The following THSD7A variants were observed in gnomAD, a reference collection of about 807,000 sequenced individuals.
THSD7A encodes the protein thrombospondin type 1 domain containing 7A.
In THSD7A, 96 loss-of-function variants were observed where a neutral mutation model predicts 231.3. The ratio of observed to expected loss-of-function variants is 0.41; its 90% confidence interval spans 0.35 to 0.49. The LOEUF is 0.49. Ranked by LOEUF, THSD7A falls within the 20% of genes least tolerant of loss-of-function variation. The pLI, the probability that THSD7A is intolerant of heterozygous loss-of-function variation, is 0.05. For missense variants in THSD7A, 2,290 were observed against 2,070.2 expected (o/e 1.11, Z -2.06); for synonymous variants, 940 against 743.3 (o/e 1.26, Z -4.30).
intron 6 of THSD7A, among the ~76,000 whole-genome samples, chr7:11,526,698 C>T (rs1788489298): frequency 6.6e-6 from 1 of 152,164 alleles, no homozygotes; most frequent in Non-Finnish European, 1.5e-5. Context: ...GCAGTTCCCC[C>T]TTTCCCCTCT....
chr7:11,450,001 T>C (rs1785093958), intron 11 of THSD7A, among the ~76,000 whole-genome samples: 1 of 152,080 alleles, frequency 6.6e-6, no homozygotes, highest in African/African-American at 2.4e-5. Flanking sequence ...AAATTTGGGT[T>C]ATTTGAAATG....
chr7:11,685,576 T>C (rs531285449), intron 1 of THSD7A, among the ~76,000 whole-genome samples: 22 of 151,980 alleles, frequency 1.4e-4, no homozygotes, highest in Non-Finnish European at 2.4e-4. Context: ...AAATGGACAC[T>C]TCCTAAAAGA....
intron 10 of THSD7A, among the ~76,000 whole-genome samples, chr7:11,461,130 A>T (rs1785491079): frequency 6.6e-6 from 1 of 152,180 alleles, no homozygotes; most frequent in African/African-American, 2.4e-5. Flanking sequence ...AACTGTATTC[A>T]AGTCATGAGT....
intron 1 of THSD7A, among the ~76,000 whole-genome samples, chr7:11,688,686 T>C (rs1780139805): frequency 6.6e-6 from 1 of 151,690 alleles, no homozygotes; most frequent in Non-Finnish European, 1.5e-5. Flanking sequence ...GAGAAGGAAG[T>C]GTGTGTACAG....
chr7:11,735,109 C>A (rs1781868578), intron 1 of THSD7A, among the ~76,000 whole-genome samples: 1 of 151,802 alleles, frequency 6.6e-6, no homozygotes, highest in Non-Finnish European at 1.5e-5. Flanking sequence ...CATATAGTTC[C>A]AGCTCAAATT....
At chr7:11,468,782 C>A (rs993180299) in intron 9 of THSD7A, among the ~76,000 whole-genome samples, 9 of 151,594 alleles carry the variant, frequency 5.9e-5, no homozygotes, top group Non-Finnish European at 1.3e-4. Flanking sequence ...TGCAATGGGC[C>A]GAAATTGAGC....
chr7:11,379,436 G>C, intron 25 of THSD7A, 156 bp from the exon 26 acceptor site: 1 of 881,028 alleles, frequency 1.1e-6, no homozygotes. Context: ...CATACTTTTG[G>C]CATTATATGA....
chr7:11,568,965 C>G (rs1790500481), intron 4 of THSD7A, among the ~76,000 whole-genome samples: 1 of 143,034 alleles, frequency 7.0e-6, no homozygotes, highest in Non-Finnish European at 1.5e-5. Context: ...ATCAAGAAAG[C>G]AATCCCGTTT....
chr7:11,627,408 A>C (rs1781508778), intron 2 of THSD7A, among the ~76,000 whole-genome samples: 1 of 151,988 alleles, frequency 6.6e-6, no homozygotes, highest in Admixed American at 6.6e-5. Context: ...ATACATACAA[A>C]ATGTATACAT....
At chr7:11,558,138 A>G (rs1789926916) in intron 4 of THSD7A, among the ~76,000 whole-genome samples, 1 of 152,146 alleles carries the variant, frequency 6.6e-6, no homozygotes, top group South Asian at 2.1e-4. Flanking sequence ...TGTGGGAGGC[A>G]AAAAGAAAAC....
chr7:11,593,268 A>G lies in THSD7A; in HGVS notation c.1257T>C (p.Val419=), dbSNP rs1428166021. ...KEPCLSQGDG[V]VPCATYGWRT... ...TATTTACTCACGTGGCACAGGGGACAACTCCATCTCCTTGAGACAAACAGG... is the reference window on the plus strand; with the variant it reads ...TATTTACTCACGTGGCACAGGGGACGACTCCATCTCCTTGAGACAAACAGG... Residue 419 remains valine, a synonymous_variant, in exon 3 of 28, where the codon GTT becomes GTC. Transcript: ENST00000423059. 1 of 1,614,002 alleles carries G rather than the reference A, an allele frequency of 6.2e-7. No individual in the cohort carries two copies. Among genetic ancestry groups the G allele is most frequent in the Admixed American group, 1.7e-5 (1 of 60,018 alleles).
rs775118115 is a variant in THSD7A at position 11,481,928 on chromosome 7, G to A, written c.1877C>T (p.Ala626Val). 1 of 1,613,576 alleles carries A rather than the reference G, an allele frequency of 6.2e-7. No homozygotes were observed. The highest frequency in any genetic ancestry group is 2.2e-5 in the East Asian group (1 of 44,854). The change falls in exon 7 of 28, where the codon GCC becomes GTC. Residue 626 changes from alanine (A) to valine (V), a missense_variant. Transcript: ENST00000423059. ...GTCTTTCGGGCATGGGGCATCACAG[G>A]CCACAGGGATGGGGAAGATGGCATC... ...CRDAIFPIPV[A>V]CDAPCPKDCV...
chr7:11,815,109 T>A (rs1784643524), intron 1 of THSD7A, among the ~76,000 whole-genome samples: 4 of 151,588 alleles, frequency 2.6e-5, no homozygotes, highest in African/African-American at 9.7e-5. Context: ...CTTTTAAAAA[T>A]CTTTTCTACC....
chr7:11,712,504 G>T (rs181036449), intron 1 of THSD7A, among the ~76,000 whole-genome samples: 19 of 151,012 alleles, frequency 1.3e-4, no homozygotes, highest in Non-Finnish European at 1.2e-4. Flanking sequence ...TTTTGATACA[G>T]GACAAACACT....
chr7:11,546,226 A>ACG (rs34124239), intron 4 of THSD7A, among the ~76,000 whole-genome samples: 34,747 of 150,730 alleles, frequency 0.23, 4,837 homozygotes, highest in Admixed American at 0.42. Context: ...ACACACACAC[A>ACG]CACACGTGGA....
At chr7:11,531,489 C>T (rs1788706053) in intron 6 of THSD7A, among the ~76,000 whole-genome samples, 1 of 152,186 alleles carries the variant, frequency 6.6e-6, no homozygotes, top group Admixed American at 6.5e-5. Context: ...CATTCTACTC[C>T]AACCACACTG....
intron 1 of THSD7A, among the ~76,000 whole-genome samples, chr7:11,699,637 CTAAA>C (rs1290689656): frequency 1.3e-5 from 2 of 151,232 alleles, no homozygotes; most frequent in South Asian, 2.1e-4. Context: ...AAAATGTGTC[CTAAA>C]TAAATAAATA....
intron 1 of THSD7A, among the ~76,000 whole-genome samples, chr7:11,811,386 C>T (rs144297678): frequency 5.3e-5 from 8 of 152,262 alleles, no homozygotes; most frequent in African/African-American, 1.7e-4. Flanking sequence ...TTAGGAGTAG[C>T]TAGTTTTCTT....
chr7:11,746,376 G>A (rs1665005515), intron 1 of THSD7A, among the ~76,000 whole-genome samples: 2 of 151,774 alleles, frequency 1.3e-5, no homozygotes, highest in African/African-American at 4.8e-5. Context: ...GATTTCACCA[G>A]TTTTTCCACT....
Sources: gnomAD v4.1 joint callset for allele counts (sites outside exome capture counted in the v4.1 genomes callset) on GRCh38, gnomAD v4.1.1 for gene constraint, MANE v1.5 for transcripts, NCBI Gene and HGNC (gene_info 2026-07-23, HGNC 2026-07-21) for gene names.